Variants in ZNF518A observed in about 807,000 individuals in gnomAD.
ZNF518A encodes the protein zinc finger protein 518A.
A neutral mutation model predicts 102.7 loss-of-function variants in ZNF518A; 47 were observed. The ratio of observed to expected loss-of-function variants is 0.46; its 90% CI spans 0.36 to 0.58. ZNF518A has a LOEUF of 0.58. ZNF518A is among the 20% of genes least tolerant of loss of function. ZNF518A has a pLI of 0.00. For synonymous variants in ZNF518A, 652 were observed against 594.6 expected (o/e 1.10, Z -1.40); for missense variants, 1,793 against 1,699.8 (o/e 1.05, Z -0.96).
At chr10:96,174,322 T>C (rs931739834) in intron 1 of ZNF518A, among the ~76,000 whole-genome samples, 1 of 151,608 alleles carries the variant, frequency 6.6e-6, no homozygotes, top group Non-Finnish European at 1.5e-5. Flanking sequence ...AAAAATGAGA[T>C]GGAAGGAAAT....
chr10:96,185,200 G>A (rs922515669), intron 1 of ZNF518A, among the ~76,000 whole-genome samples: 8 of 152,058 alleles, frequency 5.3e-5, no homozygotes, highest in East Asian at 1.9e-4. Flanking sequence ...TTAGCCATTC[G>A]TCTAATCTTT....
intron 1 of ZNF518A, among the ~76,000 whole-genome samples, chr10:96,191,235 C>CTTTTTTTTTTT (rs34920263): frequency 7.7e-6 from 1 of 130,264 alleles, no homozygotes. Flanking sequence ...CATTAAACCT[C>CTTTTTTTTTTT]TTTTTTTTTT....
At chr10:96,203,725 T>C in intron 2 of ZNF518A, 1 of 197,012 alleles carries the variant, frequency 5.1e-6, no homozygotes, top group South Asian at 1.3e-4. Flanking sequence ...TAGCTGGTGC[T>C]TCCCATATGT....
In ZNF518A at chr10:96,200,173, G is replaced by A; in HGVS notation, n.36-3401G>A. 1 of 1,611,180 alleles carries A rather than the reference G, an allele frequency of 6.2e-7. No individual in the cohort carries two copies. The highest frequency in any genetic ancestry group is 8.5e-7 in the Non-Finnish European group (1 of 1,177,540). On this transcript the variant is annotated intron_variant and non_coding_transcript_variant, in intron 1 of 2. Transcript: ENST00000442635. The surrounding 1 kb of genome is among the most constrained non-coding windows in gnomAD (Gnocchi z 4.3). ...ACGCCAGCTTCCTGTGAAATGGAGGGCACTGGTCAGCATGGGATGGTCCCT... is the reference window on the plus strand; with the variant it reads ...ACGCCAGCTTCCTGTGAAATGGAGGACACTGGTCAGCATGGGATGGTCCCT...
Position 96,159,842 on chromosome 10 carries a change from G to A in ZNF518A, c.3520G>A (p.Val1174Ile), listed in dbSNP as rs186854193. Residue 1174 changes from valine to isoleucine, a missense_variant, in exon 6 of 6, where the codon GTA (valine) becomes ATA (isoleucine). Transcript: ENST00000316045. ...NSASSLQKDNVPSNQIIGGEQ... is the reference protein window; with the variant it reads ...NSASSLQKDNIPSNQIIGGEQ... ...TGCATCCTCATTGCAAAAAGACAAC[G>A]TACCATCTAATCAGATTATAGGAGG... is the stretch of plus-strand genomic sequence containing the variant. The A allele has an allele frequency of 8.1e-6, 13 of 1,613,494 alleles. No homozygotes were observed. The highest frequency in any genetic ancestry group is 2.2e-5 in the East Asian group (1 of 44,864).
At chr10:96,147,798 G>A (rs1365732389) in intron 3 of ZNF518A, among the ~76,000 whole-genome samples, 1 of 152,110 alleles carries the variant, frequency 6.6e-6, no homozygotes, top group Non-Finnish European at 1.5e-5. Flanking sequence ...CTTACACTGA[G>A]CACTTGGTGG....
In ZNF518A at chr10:96,162,230, A is replaced by G. The variant is rs1418816624; in HGVS notation, c.*1456A>G. 6.0e-6 allele frequency: 1 copy of G among 166,844 alleles called. No individual in the cohort carries two copies. Among genetic ancestry groups the G allele is most frequent in the Non-Finnish European group, 1.5e-5 (1 of 68,024 alleles). 10.3% of individuals were successfully genotyped at this position (166,844 alleles called of 1,614,324 possible). A position where few individuals can be genotyped will look rare whatever the true frequency, so the allele number is the denominator to read the frequency against. ...TTTTGGCATAAGTTTATTTTCTTTC[A>G]GTTTAGTTCAGTGCATGCACTAATA... On this transcript the variant is annotated 3_prime_UTR_variant, in exon 6 of 6. Coordinates refer to ENST00000316045, the MANE Select transcript of ZNF518A (RefSeq NM_001330736.2).
At chr10:96,169,548 C>G (rs896806682) in intron 1 of ZNF518A, among the ~76,000 whole-genome samples, 10 of 152,110 alleles carry the variant, frequency 6.6e-5, no homozygotes, top group Admixed American at 6.5e-4. Context: ...TTGATGTTCT[C>G]TATTTGGTTA....
At chr10:96,187,251 G>T (rs2083276876) in intron 1 of ZNF518A, among the ~76,000 whole-genome samples, 1 of 152,190 alleles carries the variant, frequency 6.6e-6, no homozygotes, top group South Asian at 2.1e-4. Context: ...GAAGATTTTG[G>T]TTAGGGGACT....
Position 96,160,929 on chromosome 10 carries a change from T to G in ZNF518A, c.*155T>G. 2.6e-6 allele frequency: 2 copies of G among 777,822 alleles called. No individual in the cohort carries two copies. The highest frequency in any genetic ancestry group is 8.2e-5 in the South Asian group (2 of 24,464). 48.2% of individuals were successfully genotyped at this position (777,822 alleles called of 1,614,324 possible). A position where few individuals can be genotyped will look rare whatever the true frequency, so the allele number is the denominator to read the frequency against. ...TATTTCTGTGGAAGAGTAAAAGTTG[T>G]ATGTATGATATTTGAAAATGCTATC... is the stretch of plus-strand genomic sequence containing the variant. On this transcript the variant is annotated 3_prime_UTR_variant, in exon 6 of 6. Coordinates refer to ENST00000316045, the MANE Select transcript of ZNF518A (RefSeq NM_001330736.2).
Position 96,160,828 on chromosome 10 carries a change from C to T in ZNF518A, c.*54C>T, listed in dbSNP as rs782764015. 3.4e-5 allele frequency: 49 copies of T among 1,451,088 alleles called. No homozygotes were observed. The Admixed American group carries it at 1.1e-3, about 34-fold the overall frequency. The allele number at this position is 1,451,088 out of a possible 1,614,324, so 89.9% of individuals were successfully genotyped here. A position where few individuals can be genotyped will look rare whatever the true frequency, so the allele number is the denominator to read the frequency against. ...GTAAAATTACCTTAGAAGAAAACAA[C>T]GGGTTCAGTTACCATAATGCAGACA... On this transcript the variant is annotated 3_prime_UTR_variant, in exon 6 of 6. Coordinates refer to ENST00000316045, the MANE Select transcript of ZNF518A (RefSeq NM_001330736.2).
chr10:96,190,256 G>C (rs2083307978), intron 1 of ZNF518A: 2 of 729,356 alleles, frequency 2.7e-6, no homozygotes, highest in East Asian at 5.1e-5. Context: ...AGAGAAAGCA[G>C]ACGGAGATAA....
chr10:96,155,741 G>A (rs782689034), intron 4 of ZNF518A, 183 bp from the exon 5 acceptor site: 2 of 152,134 alleles, frequency 1.3e-5, no homozygotes, highest in African/African-American at 2.4e-5. Flanking sequence ...ATTCTCACAG[G>A]GAATAGCTAT....
intron 1 of ZNF518A, among the ~76,000 whole-genome samples, chr10:96,188,324 C>A (rs1469907662): frequency 6.6e-6 from 1 of 152,186 alleles, no homozygotes; most frequent in Non-Finnish European, 1.5e-5. Context: ...AGAGAATGGC[C>A]TATCTCTCAG....
At chr10:96,136,600 G>A (rs1554874519) in intron 3 of ZNF518A, among the ~76,000 whole-genome samples, 1 of 151,632 alleles carries the variant, frequency 6.6e-6, no homozygotes, top group East Asian at 2.0e-4. Context: ...TGGGAGGATC[G>A]CTTGAGCCCA....
chr10:96,153,412 A>C lies in ZNF518A; in HGVS notation c.-301-1914A>C, dbSNP rs587661393. On this transcript the variant is annotated intron_variant, in intron 3 of 5. Coordinates refer to ENST00000316045, the MANE Select transcript of ZNF518A (RefSeq NM_001330736.2). ...TTAATCCAGTCAAGTTGATACCTAAAATTAACCATCACAGATTGCTTCCCC... is the reference window on the plus strand; with the variant it reads ...TTAATCCAGTCAAGTTGATACCTAACATTAACCATCACAGATTGCTTCCCC... 4.9e-4 allele frequency among the ~76,000 whole-genome samples: 74 copies of C among 152,308 alleles called. 1 individual carries two copies. The highest frequency in any genetic ancestry group is 4.6e-3 in the South Asian group (22 of 4,818).
intron 3 of ZNF518A, among the ~76,000 whole-genome samples, chr10:96,153,534 A>G (rs587621614): frequency 6.6e-6 from 1 of 152,294 alleles, no homozygotes; most frequent in Non-Finnish European, 1.5e-5. Context: ...CTAAAATACA[A>G]ACTCCTCTAA....
chr10:96,167,387 G>A (rs2083147998), downstream of ZNF518A, among the ~76,000 whole-genome samples: 1 of 152,238 alleles, frequency 6.6e-6, no homozygotes, highest in African/African-American at 2.4e-5. Flanking sequence ...TCAGGAGGCA[G>A]AGGTTGCAGT....
intron 1 of ZNF518A, chr10:96,189,430 C>T: frequency 1.6e-6 from 1 of 606,692 alleles, no homozygotes; most frequent in Non-Finnish European, 3.1e-6. Flanking sequence ...CAATTCTTCA[C>T]ATAATTGATG....
Sources: allele counts gnomAD v4.1 joint callset (sites outside exome capture counted in the v4.1 genomes callset), GRCh38; gene constraint gnomAD v4.1.1; non-coding constraint Gnocchi (gnomAD v3.1); transcripts MANE v1.5; gene names NCBI Gene and HGNC (gene_info 2026-07-23, HGNC 2026-07-21).